SLC12A5: variants seen among roughly 807,000 people sequenced by gnomAD.
SLC12A5 encodes the protein solute carrier family 12 member 5.
Under a neutral mutation model 124.0 loss-of-function variants are expected in SLC12A5, and 18 were observed. The observed-to-expected ratio is 0.15, with a 90% CI of 0.10 to 0.22. SLC12A5 has a LOEUF of 0.22. Among genes scored for constraint, SLC12A5 ranks in the 10% least tolerant of loss-of-function variants. SLC12A5 has a pLI of 1.00. For missense variants in SLC12A5, 867 were observed against 1,478.7 expected (o/e 0.59, Z 6.78); for synonymous variants, 589 against 568.0 (o/e 1.04, Z -0.53).
In SLC12A5 at chr20:46,044,978, T is replaced by A. The variant is rs764754551; in HGVS notation, c.1407T>A (p.Ala469=). The A allele has an allele frequency of 5.6e-6, 9 of 1,614,202 alleles. No individual in the cohort carries two copies. In the South Asian group the frequency reaches 9.9e-5, roughly 18 times the overall value. ...CACATCATTCCAGGTTTGGCGAAGC[T>A]GTGAATGGCAACCTCGTGGTGGGCA... ...GVVLRDKFGE[A]VNGNLVVGTL... The change falls in exon 12 of 26, where the codon GCT becomes GCA. Residue 469 remains alanine, a synonymous_variant. Coordinates refer to ENST00000243964, the MANE Select transcript of SLC12A5 (RefSeq NM_020708.5).
upstream of SLC12A5, among the ~76,000 whole-genome samples, chr20:46,024,933 C>T (rs556908197): frequency 6.6e-5 from 10 of 152,300 alleles, no homozygotes; most frequent in Non-Finnish European, 1.5e-4. Flanking sequence ...CTGAAAAGAG[C>T]CCTGGGCCTG....
At chr20:46,044,409 A>T (rs1312707499) in intron 11 of SLC12A5, among the ~76,000 whole-genome samples, 1 of 152,186 alleles carries the variant, frequency 6.6e-6, no homozygotes, top group Admixed American at 6.5e-5. Context: ...TCCAGTCCTT[A>T]GGGATCTTCC....
At chr20:46,036,397 C>T (rs771912856) in intron 4 of SLC12A5, among the ~76,000 whole-genome samples, 5 of 152,184 alleles carry the variant, frequency 3.3e-5, no homozygotes, top group Non-Finnish European at 5.9e-5. Context: ...ATGTGAGGTA[C>T]GCAGTGTCGG....
Position 46,057,394 on chromosome 20 carries a change from G to C in SLC12A5, c.3259+91G>C, listed in dbSNP as rs1298419673. The C allele has an allele frequency of 1.2e-6, 2 of 1,606,274 alleles. No homozygotes were observed. The highest frequency in any genetic ancestry group is 2.7e-5 in the African/African-American group (2 of 74,724). On this transcript the variant is annotated intron_variant, in intron 25 of 25. Transcript: ENST00000243964. This position sits in a 1 kb window ranked among gnomAD's most constrained non-coding sequence, Gnocchi z 7.1. ...GGGATGGAAGAGCTGAGCTGTTCCTGCCTCCGGATCAGCACCTCGGACAGG... is the reference window on the plus strand; with the variant it reads ...GGGATGGAAGAGCTGAGCTGTTCCTCCCTCCGGATCAGCACCTCGGACAGG...
At position 46,053,416 on chromosome 20, in the gene SLC12A5, A is replaced by C. The variant is rs1021248358; in HGVS notation, c.2548-162A>C. On this transcript the variant is annotated intron_variant, in intron 19 of 25. Transcript: ENST00000243964. The surrounding 1 kb of genome is among the most constrained non-coding windows in gnomAD (Gnocchi z 4.7). ...GGGGGACCCTCAGACCTAAGCAGGG[A>C]AGGTTTTGTAGAGAGTGGCCCCAAA... Among the ~76,000 whole-genome samples the C allele has an allele frequency of 6.6e-6, 1 of 152,134 alleles. No individual in the cohort carries two copies. The highest frequency in any genetic ancestry group is 1.5e-5 in the Non-Finnish European group (1 of 68,022).
intron 17 of SLC12A5, among the ~76,000 whole-genome samples, chr20:46,051,413 C>T (rs376422578): frequency 6.6e-6 from 1 of 151,838 alleles, no homozygotes; most frequent in African/African-American, 2.4e-5. Flanking sequence ...GCATGTCGGG[C>T]AGGGGGGCTG....
In SLC12A5 at chr20:46,021,896, G is replaced by A. The variant is rs760437505; in HGVS notation, c.48+10G>A. ...GGGGAAGACGTCAAAGGTAGAGGCC[G>A]CAGGGGGCGGGGCCTGCCAGGGCCG... is the stretch of plus-strand genomic sequence containing the variant. On this transcript the variant is annotated intron_variant, in intron 1 of 2. Coordinates refer to the SLC12A5 transcript ENST00000413737. 3.3e-6 allele frequency: 5 copies of A among 1,519,322 alleles called. No individual in the cohort carries two copies. In the East Asian group the frequency reaches 7.6e-5, roughly 23 times the overall value. 94.1% of individuals were successfully genotyped at this position (1,519,322 alleles called of 1,614,324 possible). A position where few individuals can be genotyped will look rare whatever the true frequency, so the allele number is the denominator to read the frequency against.
chr20:46,053,054 C>A lies in SLC12A5; in HGVS notation c.2475C>A (p.Ser825Arg). The A allele has an allele frequency of 6.2e-7, 1 of 1,614,196 alleles. No homozygotes were observed. The highest frequency in any genetic ancestry group is 8.5e-7 in the Non-Finnish European group (1 of 1,180,006). Reference sequence around the variant, plus strand: ...ACCCTGAGCGCTTCTCTGAGGGCAGCATCGACGTTTGGTGGATTGTGCACG... The same window carrying A: ...ACCCTGAGCGCTTCTCTGAGGGCAGAATCGACGTTTGGTGGATTGTGCACG... ...PGNPERFSEG[S>R]IDVWWIVHDG... Residue 825 changes from serine to arginine, a missense_variant, in exon 19 of 26, where the codon AGC becomes AGA. This residue lies in a region of SLC12A5 where 110 missense variants were observed against 149.9 expected (regional missense o/e 0.73). Transcript: ENST00000243964. This position sits in a 1 kb window ranked among gnomAD's most constrained non-coding sequence, Gnocchi z 4.7.
At chr20:46,055,957 G>A (rs975214468) in intron 21 of SLC12A5, 193 bp from the exon 22 acceptor site, 3 of 708,296 alleles carry the variant, frequency 4.2e-6, no homozygotes, top group East Asian at 5.6e-5. Context: ...GAGGTCTGGG[G>A]TTCTGGAGAG....
upstream of SLC12A5, among the ~76,000 whole-genome samples, chr20:46,024,429 G>A (rs2084379979): frequency 6.6e-6 from 1 of 152,152 alleles, no homozygotes; most frequent in South Asian, 2.1e-4. Flanking sequence ...CACTGTATGG[G>A]GAAGTAGACA....
chr20:46,022,943 GGGAGGA>G lies in SLC12A5; in HGVS notation c.90_95del (p.Gly31_Gly32del), dbSNP rs34923327. 0.069 allele frequency: 25,079 copies of G among 365,836 alleles called. 1,624 individuals are homozygous for G. The highest frequency in any genetic ancestry group is 0.27 in the East Asian group (7,188 of 26,384). The allele number at this position is 365,836 out of a possible 1,614,324, so 22.7% of individuals were successfully genotyped here. On this transcript the variant is annotated inframe_deletion, in exon 2 of 3. Coordinates refer to the SLC12A5 transcript ENST00000413737. ...ATCGGCTTGTAGTGGCCCCAGCGAGGGGAGGAGGAGGAGGAGGAGGAGGAGGAGGAG... is the reference window on the plus strand; with the variant it reads ...ATCGGCTTGTAGTGGCCCCAGCGAGGGGAGGAGGAGGAGGAGGAGGAGGAG...
intron 14 of SLC12A5, 102 bp downstream of exon 14, chr20:46,046,538 C>G: frequency 1.0e-6 from 1 of 970,836 alleles, no homozygotes; most frequent in East Asian, 2.5e-5. Context: ...GGACCCCAAA[C>G]CTGAAGAGGA....
chr20:46,055,994 C>A, intron 21 of SLC12A5, 156 bp from the exon 22 acceptor site: 1 of 1,001,786 alleles, frequency 1.0e-6, no homozygotes, highest in Non-Finnish European at 1.4e-6. Context: ...ATCAGTGGTG[C>A]AGTAGCTATT....
In SLC12A5 at chr20:46,029,509, C is replaced by T. The variant is rs557009301; in HGVS notation, c.52+113C>T. On this transcript the variant is annotated intron_variant, in intron 1 of 25. Transcript: ENST00000243964. ...TTCAGAGAGGAGGCTGGGACTGACC[C>T]GGGCGGTGGGCGCCAGTTGCAGCCT... The T allele has an allele frequency of 1.8e-5, 22 of 1,203,252 alleles. No individual in the cohort carries two copies. The African/African-American group carries it at 1.9e-4, about 10-fold the overall frequency. 74.5% of individuals were successfully genotyped at this position (1,203,252 alleles called of 1,614,324 possible). A position where few individuals can be genotyped will look rare whatever the true frequency, so the allele number is the denominator to read the frequency against.
At chr20:46,042,331 T>C (rs1243521854) in intron 8 of SLC12A5, among the ~76,000 whole-genome samples, 2 of 151,952 alleles carry the variant, frequency 1.3e-5, no homozygotes, top group African/African-American at 4.8e-5. Context: ...CTAATGTGGA[T>C]GGGTTAAAGG....
In SLC12A5 at chr20:46,056,007, G is replaced by A. The variant is rs949393499; in HGVS notation, c.2788-143G>A. 1.2e-5 allele frequency: 14 copies of A among 1,174,550 alleles called. No homozygotes were observed. The highest frequency in any genetic ancestry group is 1.7e-5 in the Non-Finnish European group (14 of 841,814). 72.8% of individuals were successfully genotyped at this position (1,174,550 alleles called of 1,614,324 possible). On this transcript the variant is annotated intron_variant, in intron 21 of 25. Coordinates refer to ENST00000243964, the MANE Select transcript of SLC12A5 (RefSeq NM_020708.5). The surrounding 1 kb of genome is among the most constrained non-coding windows in gnomAD (Gnocchi z 4.3). ...AGATCAGTGGTGCAGTAGCTATTTG[G>A]TCTCAAATCATAGCAATATTTTAAC...
chr20:46,045,220 C>T lies in SLC12A5; in HGVS notation c.1569+80C>T. 3.4e-6 allele frequency: 5 copies of T among 1,461,636 alleles called. No individual in the cohort carries two copies. The highest frequency in any genetic ancestry group is 4.5e-6 in the Non-Finnish European group (5 of 1,100,684). 90.5% of individuals were successfully genotyped at this position (1,461,636 alleles called of 1,614,324 possible). On this transcript the variant is annotated intron_variant, in intron 12 of 25. Coordinates refer to ENST00000243964, the MANE Select transcript of SLC12A5 (RefSeq NM_020708.5). The surrounding 1 kb of genome is among the most constrained non-coding windows in gnomAD (Gnocchi z 4.9). ...AGAGAGACCACACAGTGACCCAGGG[C>T]CATAACCAGCCTTAGACTACCTCCT... is the stretch of plus-strand genomic sequence containing the variant.
rs77623489 is a variant in SLC12A5, at chr20:46,037,236, T to C, written c.482-19T>C. On this transcript the variant is annotated intron_variant, in intron 5 of 25. Coordinates refer to ENST00000243964, the MANE Select transcript of SLC12A5 (RefSeq NM_020708.5). The stretch of plus-strand genomic sequence containing the variant: ...CCAGTGCCCCCGACCCTCTCGCTGA[T>C]ACCAGATTCTCCCTGCAGCTGGTGG... 72,275 of 1,586,048 alleles carry C rather than the reference T, an allele frequency of 0.046. 1,882 individuals are homozygous for C. The highest frequency in any genetic ancestry group is 0.051 in the Middle Eastern group (301 of 5,886).
In SLC12A5 at chr20:46,058,485, G is replaced by T; in HGVS notation, c.*880G>T. 1 of 399,174 alleles carries T rather than the reference G, an allele frequency of 2.5e-6. No homozygotes were observed. The highest frequency in any genetic ancestry group is 4.4e-6 in the Non-Finnish European group (1 of 226,218). 24.7% of individuals were successfully genotyped at this position (399,174 alleles called of 1,614,324 possible). ...GAGCTTCCACTGCGGCTGCAGAGACGCGAGCAACCTCTTCTCATCGGCTCT... is the reference window on the plus strand; with the variant it reads ...GAGCTTCCACTGCGGCTGCAGAGACTCGAGCAACCTCTTCTCATCGGCTCT... On this transcript the variant is annotated 3_prime_UTR_variant, in exon 26 of 26. Transcript: ENST00000243964. This position sits in a 1 kb window ranked among gnomAD's most constrained non-coding sequence, Gnocchi z 5.8.
Sources: allele counts gnomAD v4.1 joint callset (sites outside exome capture counted in the v4.1 genomes callset), GRCh38; gene constraint gnomAD v4.1.1; regional missense constraint gnomAD v4.1.1; non-coding constraint Gnocchi (gnomAD v3.1); transcripts MANE v1.5; gene names NCBI Gene and HGNC (gene_info 2026-07-23, HGNC 2026-07-21).